CLEC4M: variants seen among roughly 807,000 people sequenced by gnomAD.
CLEC4M encodes CD209 antigen-like protein 1.
In CLEC4M, 25 loss-of-function variants were observed where a neutral mutation model predicts 39.1. The observed-to-expected ratio is 0.64, with a 90% CI of 0.47 to 0.89. The LOEUF (loss-of-function observed/expected upper bound fraction) is 0.89. Among genes scored for constraint, CLEC4M ranks in the 40% least tolerant of loss-of-function variants. CLEC4M has a pLI of 0.00. For missense variants in CLEC4M, 353 were observed against 431.4 expected (o/e 0.82, Z 1.61); for synonymous variants, 155 against 177.4 (o/e 0.87, Z 1.00).
chr19:7,767,559 G>A lies in CLEC4M; in HGVS notation c.980G>A (p.Trp327Ter). The A allele has an allele frequency of 3.7e-6, 6 of 1,614,180 alleles. No homozygotes were observed. Among genetic ancestry groups the A allele is most frequent in the Non-Finnish European group, 4.2e-6 (5 of 1,180,030 alleles). Reference sequence around the variant, plus strand: ...ACTTCCAGGAGTAACCGCTTCTCCTGGATGGGACTTTCAGACCTAAATCAG... The same window carrying A: ...ACTTCCAGGAGTAACCGCTTCTCCTAGATGGGACTTTCAGACCTAAATCAG... ...LQTSRSNRFS[W>*]MGLSDLNQEG... The change falls in exon 6 of 7, where the codon TGG (tryptophan) becomes TAG (stop). Residue 327 changes from tryptophan to a stop codon, truncating the protein, a stop_gained. Transcript: ENST00000327325. LOFTEE classifies it high-confidence loss of function.
In CLEC4M at chr19:7,768,832, T is replaced by C. The variant is rs200542840; in HGVS notation, c.1050-6T>C. 2.7e-4 allele frequency: 435 copies of C among 1,613,648 alleles called. 1 individual carries two copies. Among genetic ancestry groups the C allele is most frequent in the Non-Finnish European group, 3.3e-4 (391 of 1,179,620 alleles). On this transcript the variant is annotated splice_polypyrimidine_tract_variant and splice_region_variant and intron_variant, in intron 6 of 6. Coordinates refer to ENST00000327325, the MANE Select transcript of CLEC4M (RefSeq NM_014257.5). The stretch of plus-strand genomic sequence containing the variant: ...CAGAGGCTCACATTCTGCATGGGCT[T>C]TGCAGCTTCCAGCGGTACTGGAACA...
At chr19:7,768,725 A>T in intron 6 of CLEC4M, 113 bp from the exon 7 acceptor site, 1 of 1,254,146 alleles carries the variant, frequency 8.0e-7, no homozygotes, top group Non-Finnish European at 1.1e-6. Context: ...AGAGCAATGC[A>T]TGTCCAGCAT....
intron 3 of CLEC4M, 124 bp from the exon 4 acceptor site, chr19:7,765,514 C>T (rs1826307): frequency 1.4e-5 from 20 of 1,471,884 alleles, no homozygotes; most frequent in African/African-American, 7.1e-5. Flanking sequence ...GTCAGTTTTC[C>T]TCATCTTCAA....
At chr19:7,765,603 T>C (rs2034222730) in intron 3 of CLEC4M, 35 bp from the exon 4 acceptor site, 2 of 1,612,936 alleles carry the variant, frequency 1.2e-6, no homozygotes, top group Admixed American at 1.7e-5. Flanking sequence ...ACAGTAGGTG[T>C]TTAATAATTG....
At chr19:7,764,046 T>C (rs923581859) in intron 2 of CLEC4M, among the ~76,000 whole-genome samples, 4 of 152,090 alleles carry the variant, frequency 2.6e-5, no homozygotes, top group East Asian at 1.9e-4. Flanking sequence ...GGGACCTGGA[T>C]GCCTGAGTCC....
chr19:7,768,867 C>G lies in CLEC4M; in HGVS notation c.1079C>G (p.Pro360Arg). The G allele has an allele frequency of 1.2e-6, 2 of 1,614,100 alleles. No individual in the cohort carries two copies. Among genetic ancestry groups the G allele is most frequent in the African/African-American group, 1.3e-5 (1 of 75,034 alleles). Reference protein sequence around the residue: ...SFQRYWNSGEPNNSGNEDCAE... With the variant: ...SFQRYWNSGERNNSGNEDCAE... ...CAGCGGTACTGGAACAGTGGAGAAC[C>G]CAACAATAGCGGGAATGAAGACTGT... is the stretch of plus-strand genomic sequence containing the variant. Residue 360 changes from proline to arginine, a missense_variant, in exon 7 of 7, where the codon CCC becomes CGC. Transcript: ENST00000327325.
intron 2 of CLEC4M, among the ~76,000 whole-genome samples, chr19:7,764,964 G>C (rs368793402): frequency 1.3e-5 from 2 of 151,940 alleles, no homozygotes; most frequent in Non-Finnish European, 2.9e-5. Context: ...GGAGGTGGGG[G>C]TTGGGACCTA....
Position 7,769,088 on chromosome 19 carries a change from C to A in CLEC4M, c.*100C>A. The A allele has an allele frequency of 8.0e-7, 1 of 1,253,174 alleles. No homozygotes were observed. Among genetic ancestry groups the A allele is most frequent in the Non-Finnish European group, 1.1e-6 (1 of 893,944 alleles). The allele number at this position is 1,253,174 out of a possible 1,614,324, so 77.6% of individuals were successfully genotyped here. A position where few individuals can be genotyped will look rare whatever the true frequency, so the allele number is the denominator to read the frequency against. On this transcript the variant is annotated 3_prime_UTR_variant, in exon 7 of 7. Coordinates refer to ENST00000327325, the MANE Select transcript of CLEC4M (RefSeq NM_014257.5). Reference sequence around the variant, plus strand: ...CTCCATCCTTGGACCTTCACAAATGCCCTGAGACGGTTCTCTGTTCGATTT... The same window carrying A: ...CTCCATCCTTGGACCTTCACAAATGACCTGAGACGGTTCTCTGTTCGATTT...
At chr19:7,767,190 C>G (rs2146359188) in intron 5 of CLEC4M, 1 of 423,668 alleles carries the variant, frequency 2.4e-6, no homozygotes, top group East Asian at 4.5e-5. Flanking sequence ...TGTGCTGGAC[C>G]AGCAATTAGT....
Position 7,767,557 on chromosome 19 carries a change from CTGGA to C in CLEC4M, c.982_985del (p.Met328AspfsTer5). 6.2e-7 allele frequency: 1 copy of C among 1,614,204 alleles called. No individual in the cohort carries two copies. The highest frequency in any genetic ancestry group is 2.2e-5 in the East Asian group (1 of 44,874). On this transcript the variant is annotated frameshift_variant, in exon 6 of 7. Coordinates refer to ENST00000327325, the MANE Select transcript of CLEC4M (RefSeq NM_014257.5). LOFTEE classifies it high-confidence loss of function. Reference sequence around the variant, plus strand: ...AGACTTCCAGGAGTAACCGCTTCTCCTGGATGGGACTTTCAGACCTAAATCAGGA... The same window carrying C: ...AGACTTCCAGGAGTAACCGCTTCTCCTGGGACTTTCAGACCTAAATCAGGA...
chr19:7,766,389 C>T (rs1178219118), intron 4 of CLEC4M, 182 bp downstream of exon 4: 1 of 1,463,252 alleles, frequency 6.8e-7, no homozygotes, highest in Non-Finnish European at 9.0e-7. Context: ...ACACTCAGTT[C>T]AACCAATCCG....
Position 7,768,851 on chromosome 19 carries a change from T to G in CLEC4M, c.1063T>G (p.Trp355Gly). 1 of 1,614,086 alleles carries G rather than the reference T, an allele frequency of 6.2e-7. No individual in the cohort carries two copies. Among genetic ancestry groups the G allele is most frequent in the Non-Finnish European group, 8.5e-7 (1 of 1,179,952 alleles). Residue 355 changes from tryptophan (W) to glycine (G), a missense_variant, in exon 7 of 7, where the codon TGG (tryptophan) becomes GGG (glycine). Physicochemically the swap from Trp to Gly is radical, Grantham distance 184 (BLOSUM62 -2). Transcript: ENST00000327325. ...SPLSPSFQRY[W>G]NSGEPNNSGN... ...TGGGCTTTGCAGCTTCCAGCGGTAC[T>G]GGAACAGTGGAGAACCCAACAATAG...
Position 7,769,227 on chromosome 19 carries a change from G to T in CLEC4M, c.*239G>T, listed in dbSNP as rs1173668962. The T allele has an allele frequency of 2.3e-6, 1 of 426,130 alleles. No individual in the cohort carries two copies. Among genetic ancestry groups the T allele is most frequent in the Non-Finnish European group, 4.3e-6 (1 of 230,760 alleles). 26.4% of individuals were successfully genotyped at this position (426,130 alleles called of 1,614,324 possible). A position where few individuals can be genotyped will look rare whatever the true frequency, so the allele number is the denominator to read the frequency against. ...GGAGCTTTATAAGTGACCTGAGTGG[G>T]ATGCATTTAGGGGGCGGGCTTGGTA... On this transcript the variant is annotated 3_prime_UTR_variant, in exon 7 of 7. Transcript: ENST00000327325.
chr19:7,764,255 G>A (rs113029049), intron 2 of CLEC4M, among the ~76,000 whole-genome samples: 136 of 152,104 alleles, frequency 8.9e-4, no homozygotes, highest in Non-Finnish European at 1.7e-3. Flanking sequence ...TTACAGAAGC[G>A]AGAAACAAAG....
In CLEC4M at chr19:7,763,531, G is replaced by A. The variant is rs939022374; in HGVS notation, c.130+55G>A. Reference sequence around the variant, plus strand: ...AAGACAGAGCCTCCCAGACCCCTGGGTCCTGGGGAGGTAGGTGTTGGGGTC... The same window carrying A: ...AAGACAGAGCCTCCCAGACCCCTGGATCCTGGGGAGGTAGGTGTTGGGGTC... On this transcript the variant is annotated intron_variant, in intron 2 of 6. Coordinates refer to ENST00000327325, the MANE Select transcript of CLEC4M (RefSeq NM_014257.5). 2.0e-6 allele frequency: 3 copies of A among 1,474,540 alleles called. No homozygotes were observed. The African/African-American group carries it at 4.2e-5, about 21-fold the overall frequency. The allele number at this position is 1,474,540 out of a possible 1,614,324, so 91.3% of individuals were successfully genotyped here.
At position 7,766,213 on chromosome 19, in the gene CLEC4M, T is replaced by C; in HGVS notation, c.784+6T>C. 6.2e-7 allele frequency: 1 copy of C among 1,613,894 alleles called. No homozygotes were observed. The stretch of plus-strand genomic sequence containing the variant: ...CGATTTGAAGACTGCATTTGGTGAG[T>C]TCCTGCACATCAAGGGTCCTTGGGC... On this transcript the variant is annotated splice_donor_region_variant and intron_variant, in intron 4 of 6. Coordinates refer to ENST00000327325, the MANE Select transcript of CLEC4M (RefSeq NM_014257.5).
At chr19:7,767,737 A>G (rs1210897739) in intron 6 of CLEC4M, 109 bp downstream of exon 6, 5 of 892,094 alleles carry the variant, frequency 5.6e-6, no homozygotes, top group Non-Finnish European at 8.9e-6. Context: ...CCATAGGACT[A>G]AGAGTCTGGG....
chr19:7,767,408 G>A, intron 5 of CLEC4M, 108 bp from the exon 6 acceptor site: 2 of 791,386 alleles, frequency 2.5e-6, no homozygotes, highest in Non-Finnish European at 4.2e-6. Flanking sequence ...TGCTATATCA[G>A]AAAACTGCAG....
chr19:7,763,256 A>C lies in CLEC4M; in HGVS notation c.-11A>C, dbSNP rs2034089902. The stretch of plus-strand genomic sequence containing the variant: ...CCAGGAGTCCTGAACATCTGGGGAC[A>C]GCGGGAAAACATGAGTGACTCCAAG... On this transcript the variant is annotated 5_prime_UTR_variant, in exon 1 of 7. Transcript: ENST00000327325. The C allele has an allele frequency of 6.3e-7, 1 of 1,590,072 alleles. No individual in the cohort carries two copies. The highest frequency in any genetic ancestry group is 1.4e-5 in the African/African-American group (1 of 74,042).
Sources: allele counts gnomAD v4.1 joint callset (sites outside exome capture counted in the v4.1 genomes callset), GRCh38; gene constraint gnomAD v4.1.1; transcripts MANE v1.5; gene names NCBI Gene and HGNC (gene_info 2026-07-23, HGNC 2026-07-21).